Variants in MACO1 observed in about 807,000 individuals in gnomAD.
The protein encoded by MACO1 is macoilin 1.
MACO1 carries 14 observed loss-of-function variants against 78.7 expected under a neutral mutation model. The ratio of observed to expected loss-of-function variants is 0.18; its 90% CI spans 0.12 to 0.28. MACO1 has a LOEUF of 0.28. MACO1 is among the 10% of genes least tolerant of loss of function. The pLI, the probability that MACO1 is intolerant of heterozygous loss-of-function variation, is 1.00. For missense variants in MACO1, 501 were observed against 799.0 expected (o/e 0.63, Z 4.50); for synonymous variants, 288 against 291.6 (o/e 0.99, Z 0.12).
At chr1:25,431,482 C>G (rs1035975589) in intron 1 of MACO1, among the ~76,000 whole-genome samples, 3 of 151,338 alleles carry the variant, frequency 2.0e-5, no homozygotes, top group East Asian at 2.0e-4. Flanking sequence ...CCAACCAGCC[C>G]GGCGTTCCTC....
intron 6 of MACO1, among the ~76,000 whole-genome samples, chr1:25,467,167 A>G (rs1323442987): frequency 6.6e-6 from 1 of 152,156 alleles, no homozygotes; most frequent in East Asian, 1.9e-4. Flanking sequence ...CTGACGCAGG[A>G]GAATCGCTTG....
At chr1:25,467,382 G>T (rs1274163990) in intron 6 of MACO1, among the ~76,000 whole-genome samples, 4 of 152,322 alleles carry the variant, frequency 2.6e-5, no homozygotes, top group South Asian at 2.1e-4. Context: ...TTGCCACAAG[G>T]TTCCCTCTCA....
chr1:25,471,999 C>T (rs967242519), intron 6 of MACO1, among the ~76,000 whole-genome samples: 24 of 152,224 alleles, frequency 1.6e-4, no homozygotes, highest in African/African-American at 4.3e-4. Context: ...TTTGCTCTGG[C>T]AGTGGGGTTG....
At chr1:25,460,124 T>A (rs1329652460) in intron 6 of MACO1, among the ~76,000 whole-genome samples, 3 of 152,184 alleles carry the variant, frequency 2.0e-5, no homozygotes, top group Non-Finnish European at 4.4e-5. Flanking sequence ...CGAGGTATAT[T>A]TGGGTTCTAC....
intron 6 of MACO1, among the ~76,000 whole-genome samples, chr1:25,466,226 C>T (rs1349378045): frequency 6.6e-6 from 1 of 152,210 alleles, no homozygotes; most frequent in South Asian, 2.1e-4. Flanking sequence ...TACATTCTCA[C>T]CAGCAGTGTT....
chr1:25,484,088 G>T, intron 6 of MACO1, 28 bp from the exon 7 acceptor site: 2 of 1,589,184 alleles, frequency 1.3e-6, no homozygotes, highest in African/African-American at 1.3e-5. Flanking sequence ...TCACCTAGAT[G>T]AAAATGCTGC....
chr1:25,472,358 G>A (rs1032115649), intron 6 of MACO1, among the ~76,000 whole-genome samples: 3 of 146,450 alleles, frequency 2.0e-5, no homozygotes, highest in South Asian at 2.3e-4. Context: ...ATGCTATCCC[G>A]CCCCTAGCCC....
chr1:25,483,611 G>A (rs1218007960), intron 6 of MACO1, among the ~76,000 whole-genome samples: 1 of 152,194 alleles, frequency 6.6e-6, no homozygotes, highest in Non-Finnish European at 1.5e-5. Context: ...ATTCAGCAAG[G>A]ATGCTGCAAT....
intron 3 of MACO1, among the ~76,000 whole-genome samples, chr1:25,449,533 T>A (rs1299742264): frequency 6.6e-6 from 1 of 152,204 alleles, no homozygotes; most frequent in Non-Finnish European, 1.5e-5. Flanking sequence ...ATTTCTTTTT[T>A]AAAAATTTCT....
intron 8 of MACO1, among the ~76,000 whole-genome samples, chr1:25,488,675 G>A (rs964157413): frequency 4.6e-5 from 7 of 151,636 alleles, no homozygotes; most frequent in African/African-American, 7.3e-5. Flanking sequence ...TGTAGAGAGA[G>A]GGTTTCACTG....
intron 1 of MACO1, among the ~76,000 whole-genome samples, chr1:25,441,891 T>C (rs1318323808): frequency 6.6e-6 from 1 of 152,226 alleles, no homozygotes; most frequent in African/African-American, 2.4e-5. Flanking sequence ...TGTTCCCAGT[T>C]ATGAGAAGGA....
chr1:25,439,582 C>T (rs1363774431), intron 1 of MACO1, among the ~76,000 whole-genome samples: 6 of 151,944 alleles, frequency 3.9e-5, no homozygotes, highest in Non-Finnish European at 5.9e-5. Context: ...AGCCTGCTCC[C>T]CTTTTTTGGA....
intron 8 of MACO1, among the ~76,000 whole-genome samples, chr1:25,487,363 G>A (rs2043442853): frequency 6.6e-6 from 1 of 152,150 alleles, no homozygotes; most frequent in African/African-American, 2.4e-5. Flanking sequence ...CATCTTGGCA[G>A]GCTGGTCTCG....
intron 1 of MACO1, among the ~76,000 whole-genome samples, chr1:25,438,922 CTA>C (rs2042943069): frequency 6.7e-6 from 1 of 149,186 alleles, no homozygotes; most frequent in South Asian, 2.1e-4. Flanking sequence ...AAATAAAAAA[CTA>C]AAAAAAAAAG....
At chr1:25,482,105 G>C (rs1214980075) in intron 6 of MACO1, among the ~76,000 whole-genome samples, 1 of 152,144 alleles carries the variant, frequency 6.6e-6, no homozygotes, top group Non-Finnish European at 1.5e-5. Flanking sequence ...GTTCCAAAGA[G>C]ATCACCATTG....
rs202050214 is a variant in MACO1, at chr1:25,480,929, A to AAT, written c.1155-3142_1155-3141dup. Among the ~76,000 whole-genome samples, 303 of 47,782 alleles carry AAT rather than the reference A, an allele frequency of 6.3e-3. 1 individual carries two copies. The highest frequency in any genetic ancestry group is 7.7e-3 in the Non-Finnish European group (223 of 29,078). The allele number at this position is 47,782 out of a possible 152,430, so 31.3% of individuals were successfully genotyped here. A position where few individuals can be genotyped will look rare whatever the true frequency, so the allele number is the denominator to read the frequency against. The stretch of plus-strand genomic sequence containing the variant: ...AGACTTGGTTAAAAAAAAAAAAAAA[A>AAT]ATATATATATATATATATATATATA... On this transcript the variant is annotated intron_variant, in intron 6 of 10. Coordinates refer to ENST00000374343, the MANE Select transcript of MACO1 (RefSeq NM_018202.6).
chr1:25,490,771 A>G lies in MACO1; in HGVS notation c.1618-639A>G, dbSNP rs144164482. 2.0e-4 allele frequency among the ~76,000 whole-genome samples: 31 copies of G among 152,264 alleles called. No individual in the cohort carries two copies. The East Asian group carries it at 4.6e-3, about 23-fold the overall frequency. ...AAAATCATTTAGTTTTTAAAAGACT[A>G]TGTACAAAACTGTACATTTAATATT... On this transcript the variant is annotated intron_variant, in intron 9 of 10. Coordinates refer to ENST00000374343, the MANE Select transcript of MACO1 (RefSeq NM_018202.6).
At chr1:25,454,182 A>T in intron 3 of MACO1, 77 bp from the exon 4 acceptor site, 1 of 1,372,352 alleles carries the variant, frequency 7.3e-7, no homozygotes, top group East Asian at 2.8e-5. Flanking sequence ...ACTGTCGTCA[A>T]ATTAGTCTCC....
chr1:25,471,750 C>T (rs2043273600), intron 6 of MACO1, among the ~76,000 whole-genome samples: 1 of 152,178 alleles, frequency 6.6e-6, no homozygotes, highest in South Asian at 2.1e-4. Context: ...TAGACCCAAT[C>T]GAGGACTGCA....
Sources: gnomAD v4.1 joint callset for allele counts (sites outside exome capture counted in the v4.1 genomes callset) on GRCh38, gnomAD v4.1.1 for gene constraint, MANE v1.5 for transcripts, NCBI Gene and HGNC (gene_info 2026-07-23, HGNC 2026-07-21) for gene names.